CNTN5: variants seen among roughly 807,000 people sequenced by gnomAD.
The protein encoded by CNTN5 is contactin-5.
Under a neutral mutation model 129.1 loss-of-function variants are expected in CNTN5, and 77 were observed. The observed-to-expected ratio is 0.60, with a 90% CI of 0.50 to 0.72. The LOEUF is 0.72. Ranked by LOEUF, CNTN5 falls within the 30% of genes least tolerant of loss-of-function variation. The probability of loss-of-function intolerance (pLI) is 0.00; values close to 1 mark genes in which losing one functional copy is unlikely to be tolerated. For missense variants in CNTN5, 1,478 were observed against 1,328.8 expected (o/e 1.11, Z -1.75); for synonymous variants, 509 against 465.6 (o/e 1.09, Z -1.20).
intron 1 of CNTN5, among the ~76,000 whole-genome samples, chr11:99,118,654 T>G (rs1858158150): frequency 6.6e-6 from 1 of 152,208 alleles, no homozygotes; most frequent in East Asian, 1.9e-4. Context: ...TTAAAACTCT[T>G]TAATTGAAGC....
chr11:99,969,328 CAT>C (rs1365774069), intron 8 of CNTN5, among the ~76,000 whole-genome samples: 1 of 152,098 alleles, frequency 6.6e-6, no homozygotes. Context: ...TTCTGAAAGA[CAT>C]AAACTTTTGA....
intron 4 of CNTN5, among the ~76,000 whole-genome samples, chr11:99,835,637 T>C (rs1318631585): frequency 6.6e-6 from 1 of 152,018 alleles, no homozygotes; most frequent in Non-Finnish European, 1.5e-5. Context: ...AGGGTTAACA[T>C]AGGATTTAGG....
intron 18 of CNTN5, among the ~76,000 whole-genome samples, chr11:100,282,198 T>C (rs1476800001): frequency 1.3e-5 from 2 of 152,168 alleles, no homozygotes; most frequent in East Asian, 3.9e-4. Flanking sequence ...TTTATTGTAG[T>C]TTTTGCAGGC....
At chr11:99,144,111 A>C (rs1281654920) in intron 1 of CNTN5, among the ~76,000 whole-genome samples, 5 of 152,158 alleles carry the variant, frequency 3.3e-5, no homozygotes, top group Non-Finnish European at 7.4e-5. Context: ...GAAATACATT[A>C]TTTTTGCAGA....
At chr11:99,965,727 G>C (rs1394110212) in intron 8 of CNTN5, among the ~76,000 whole-genome samples, 1 of 152,100 alleles carries the variant, frequency 6.6e-6, no homozygotes, top group Non-Finnish European at 1.5e-5. Flanking sequence ...TTAACTTTCT[G>C]TCTCGTTGAT....
chr11:99,121,135 CTTT>C (rs575121058), intron 1 of CNTN5, among the ~76,000 whole-genome samples: 4 of 125,204 alleles, frequency 3.2e-5, no homozygotes, highest in Non-Finnish European at 3.4e-5. Flanking sequence ...TTCTTTCTTT[CTTT>C]TTTTTTTTTT....
At chr11:100,138,102 G>A (rs1946581968) in intron 13 of CNTN5, among the ~76,000 whole-genome samples, 1 of 152,062 alleles carries the variant, frequency 6.6e-6, no homozygotes, top group Admixed American at 6.6e-5. Flanking sequence ...GGGTTAGGGT[G>A]CCACTCATTA....
At chr11:99,237,903 G>A (rs982018928) in intron 1 of CNTN5, among the ~76,000 whole-genome samples, 2 of 152,056 alleles carry the variant, frequency 1.3e-5, no homozygotes, top group African/African-American at 4.8e-5. Flanking sequence ...CCAGGAAAAA[G>A]TCAATGAAAA....
intron 6 of CNTN5, among the ~76,000 whole-genome samples, chr11:99,900,366 T>G (rs1949323292): frequency 6.6e-6 from 1 of 152,008 alleles, no homozygotes; most frequent in Admixed American, 6.6e-5. Context: ...CTTGCATCTC[T>G]GGAAAAAAAA....
At chr11:99,851,912 A>G (rs4754648) in intron 6 of CNTN5, among the ~76,000 whole-genome samples, 152,300 of 152,300 alleles carry the variant, frequency 1, 76,150 homozygotes, top group Non-Finnish European at 1. Context: ...AGAGTTTAAA[A>G]CCACATTTTA....
rs115675727 is a variant in CNTN5 at position 99,900,998 on chromosome 11, G to A, written c.578-15056G>A. On this transcript the variant is annotated intron_variant, in intron 6 of 24. Coordinates refer to ENST00000524871, the MANE Select transcript of CNTN5 (RefSeq NM_014361.4). ...CATCAGACATCCTACTTGGAATTTT[G>A]CCTCTATTATTTACTAATTGTGTAA... 2.5e-3 allele frequency among the ~76,000 whole-genome samples: 381 copies of A among 152,072 alleles called. 1 individual carries two copies. The highest frequency in any genetic ancestry group is 8.4e-3 in the African/African-American group (349 of 41,504).
At chr11:99,315,661 A>G (rs1865307993) in intron 1 of CNTN5, among the ~76,000 whole-genome samples, 1 of 149,578 alleles carries the variant, frequency 6.7e-6, no homozygotes, top group South Asian at 2.1e-4. Context: ...TTAAAAAGGT[A>G]AAAATTATGG....
At chr11:99,368,179 A>G (rs977299100) in intron 2 of CNTN5, among the ~76,000 whole-genome samples, 1 of 151,808 alleles carries the variant, frequency 6.6e-6, no homozygotes, top group Non-Finnish European at 1.5e-5. Flanking sequence ...TCTTCCCCCC[A>G]TTTTACTATT....
At chr11:99,368,861 G>A (rs1939633513) in intron 2 of CNTN5, among the ~76,000 whole-genome samples, 1 of 151,902 alleles carries the variant, frequency 6.6e-6, no homozygotes, top group African/African-American at 2.4e-5. Context: ...TCACATCGCT[G>A]TAACAAAACG....
At chr11:99,852,888 C>T (rs1197740649) in intron 6 of CNTN5, among the ~76,000 whole-genome samples, 1 of 152,050 alleles carries the variant, frequency 6.6e-6, no homozygotes, top group African/African-American at 2.4e-5. Flanking sequence ...AGACCTTTCC[C>T]AAGCATAGGA....
At position 100,042,958 on chromosome 11, in the gene CNTN5, A is replaced by G. The variant is rs548163307; in HGVS notation, c.981-18254A>G. 3.9e-5 allele frequency among the ~76,000 whole-genome samples: 6 copies of G among 152,226 alleles called. No homozygotes were observed. The East Asian group carries it at 1.2e-3, about 29-fold the overall frequency. ...AGAACTAAAATAGGAGAAAAACAGA[A>G]CTGTGCTCTTCCTTTCCATCAAAAC... On this transcript the variant is annotated intron_variant, in intron 9 of 24. Transcript: ENST00000524871.
At chr11:100,214,350 T>C (rs1466756125) in intron 15 of CNTN5, among the ~76,000 whole-genome samples, 1 of 152,176 alleles carries the variant, frequency 6.6e-6, no homozygotes, top group Non-Finnish European at 1.5e-5. Flanking sequence ...AAAATGGAGC[T>C]AGTCGTGCTA....
intron 13 of CNTN5, among the ~76,000 whole-genome samples, chr11:100,121,897 A>C (rs1417855017): frequency 6.6e-6 from 1 of 152,110 alleles, no homozygotes; most frequent in Non-Finnish European, 1.5e-5. Context: ...ATTTTAAAAA[A>C]AGATGAACAG....
At chr11:100,034,840 G>C (rs1057022775) in intron 9 of CNTN5, among the ~76,000 whole-genome samples, 1 of 152,142 alleles carries the variant, frequency 6.6e-6, no homozygotes, top group Non-Finnish European at 1.5e-5. Context: ...AACGTTTTCA[G>C]TAACTTTCAG....
Sources: gnomAD v4.1 joint callset for allele counts (sites outside exome capture counted in the v4.1 genomes callset) on GRCh38, gnomAD v4.1.1 for gene constraint, MANE v1.5 for transcripts, NCBI Gene and HGNC (gene_info 2026-07-23, HGNC 2026-07-21) for gene names.